Variants in UBE2E2 observed in about 807,000 individuals in gnomAD.
UBE2E2 encodes the protein ubiquitin-conjugating enzyme E2 E2.
In UBE2E2, 6 loss-of-function variants were observed where a neutral mutation model predicts 24.7. The observed-to-expected ratio is 0.24, with a 90% CI of 0.13 to 0.48. The LOEUF (loss-of-function observed/expected upper bound fraction) is 0.48, where lower values mean the gene tolerates loss of function less well. Ranked by LOEUF, UBE2E2 falls within the 20% of genes least tolerant of loss-of-function variation. UBE2E2 has a pLI of 0.99. For synonymous variants in UBE2E2, 104 were observed against 83.6 expected, an observed-to-expected ratio of 1.24 and a Z score of -1.33; for missense variants, 169 against 245.0, an observed-to-expected ratio of 0.69 and a Z score of 2.07.
chr3:23,312,245 A>G (rs1287260883), intron 3 of UBE2E2, among the ~76,000 whole-genome samples: 1 of 152,182 alleles, frequency 6.6e-6, no homozygotes, highest in Non-Finnish European at 1.5e-5. Flanking sequence ...TCTTTTCTTT[A>G]TAAATTACCC....
rs183382183 is a variant in UBE2E2 at position 23,285,859 on chromosome 3, C to T, written c.227+68547C>T. On this transcript the variant is annotated intron_variant, in intron 3 of 5. Transcript: ENST00000396703. ...TACAGGCACCCACCACCACATCTAG[C>T]TAATTTATGTTATTTTTTAGTCAAG... Among the ~76,000 whole-genome samples the T allele has an allele frequency of 1.7e-3, 258 of 152,178 alleles. 1 individual carries two copies. Among genetic ancestry groups the T allele is most frequent in the African/African-American group, 6.0e-3 (249 of 41,534 alleles).
chr3:23,563,791 T>C (rs1364435908), intron 5 of UBE2E2, among the ~76,000 whole-genome samples: 1 of 152,120 alleles, frequency 6.6e-6, no homozygotes, highest in Non-Finnish European at 1.5e-5. Context: ...TTTATTCTAT[T>C]AATATTATTT....
chr3:23,283,217 T>C (rs1698527822), intron 3 of UBE2E2, among the ~76,000 whole-genome samples: 1 of 152,144 alleles, frequency 6.6e-6, no homozygotes, highest in Non-Finnish European at 1.5e-5. Context: ...AAAAAACTTT[T>C]TTTTTTTCAT....
chr3:23,549,783 G>A (rs1033401648), intron 5 of UBE2E2, among the ~76,000 whole-genome samples: 8 of 151,982 alleles, frequency 5.3e-5, no homozygotes, highest in South Asian at 2.1e-4. Flanking sequence ...CTGTAATCCC[G>A]GCACTTTGGA....
intron 3 of UBE2E2, among the ~76,000 whole-genome samples, chr3:23,391,604 TA>T (rs1337414256): frequency 6.6e-6 from 1 of 152,210 alleles, no homozygotes; most frequent in Non-Finnish European, 1.5e-5. Flanking sequence ...ATAAATAAAT[TA>T]CATTCAGGTA....
chr3:23,358,357 G>T (rs2036044), intron 3 of UBE2E2, among the ~76,000 whole-genome samples: 2 of 152,102 alleles, frequency 1.3e-5, no homozygotes, highest in Non-Finnish European at 2.9e-5. Flanking sequence ...CACAGAACCA[G>T]TGGTGATGGT....
chr3:23,450,111 A>G (rs1263327647), intron 3 of UBE2E2, among the ~76,000 whole-genome samples: 7 of 152,244 alleles, frequency 4.6e-5, no homozygotes, highest in Admixed American at 3.9e-4. Context: ...AGAAAATGAG[A>G]TAAAAGCCTG....
intron 3 of UBE2E2, among the ~76,000 whole-genome samples, chr3:23,295,454 G>C (rs145011683): frequency 1.3e-5 from 2 of 152,132 alleles, no homozygotes; most frequent in African/African-American, 4.8e-5. Context: ...GTCCAGGTGG[G>C]TACACAATTA....
At chr3:23,249,227 G>A (rs891398093) in intron 3 of UBE2E2, among the ~76,000 whole-genome samples, 1 of 149,782 alleles carries the variant, frequency 6.7e-6, no homozygotes, top group Admixed American at 6.6e-5. Flanking sequence ...AGCCGAGATT[G>A]CACCACCACA....
chr3:23,535,718 G>A (rs1695246134), intron 5 of UBE2E2, among the ~76,000 whole-genome samples: 2 of 151,022 alleles, frequency 1.3e-5, no homozygotes. Flanking sequence ...CTCCTCCCGG[G>A]TTCAAGCGAT....
chr3:23,508,633 A>C (rs1022323120), intron 4 of UBE2E2, among the ~76,000 whole-genome samples: 1 of 152,138 alleles, frequency 6.6e-6, no homozygotes, highest in Non-Finnish European at 1.5e-5. Context: ...ATATCTACTG[A>C]CACACCCTTA....
chr3:23,405,524 GTA>G (rs1697335127), intron 3 of UBE2E2, among the ~76,000 whole-genome samples: 1 of 152,106 alleles, frequency 6.6e-6, no homozygotes, highest in Non-Finnish European at 1.5e-5. Flanking sequence ...CTTTTTTCAG[GTA>G]ATTTTTCCCC....
At chr3:23,272,941 G>A (rs1472533933) in intron 3 of UBE2E2, among the ~76,000 whole-genome samples, 2 of 152,082 alleles carry the variant, frequency 1.3e-5, no homozygotes, top group Non-Finnish European at 2.9e-5. Flanking sequence ...AGTCAGACAA[G>A]TCTTATGGCA....
upstream of UBE2E2, chr3:23,203,200 G>A (rs998625128): frequency 1.0e-6 from 1 of 986,422 alleles, no homozygotes; most frequent in African/African-American, 1.7e-5. Context: ...CGACAGCCGC[G>A]GGCAGCAGCC....
chr3:23,369,985 T>A, intron 3 of UBE2E2, among the ~76,000 whole-genome samples: 1 of 152,210 alleles, frequency 6.6e-6, no homozygotes, highest in East Asian at 1.9e-4. Context: ...TAGATACTAA[T>A]ATCCCCATGT....
chr3:23,355,643 G>T (rs917835715), intron 3 of UBE2E2, among the ~76,000 whole-genome samples: 1 of 152,124 alleles, frequency 6.6e-6, no homozygotes, highest in Admixed American at 6.5e-5. Flanking sequence ...TCATGCCCTG[G>T]ATTGTGGCTG....
chr3:23,525,742 G>T (rs1694980526), intron 4 of UBE2E2, among the ~76,000 whole-genome samples: 1 of 152,128 alleles, frequency 6.6e-6, no homozygotes, highest in African/African-American at 2.4e-5. Context: ...TTGCTTGTTT[G>T]TCAGGAACAT....
intron 3 of UBE2E2, among the ~76,000 whole-genome samples, chr3:23,250,961 G>A (rs1036055398): frequency 6.6e-6 from 1 of 152,158 alleles, no homozygotes; most frequent in Non-Finnish European, 1.5e-5. Flanking sequence ...GGGCTCAAGT[G>A]ATCCTCCTGC....
chr3:23,303,935 T>C (rs1374103466), intron 3 of UBE2E2, among the ~76,000 whole-genome samples: 1 of 152,220 alleles, frequency 6.6e-6, no homozygotes, highest in African/African-American at 2.4e-5. Flanking sequence ...ATTCTTAGTC[T>C]TACCTGAATT....
Sources: allele counts gnomAD v4.1 joint callset (sites outside exome capture counted in the v4.1 genomes callset), GRCh38; gene constraint gnomAD v4.1.1; transcripts MANE v1.5; gene names NCBI Gene and HGNC (gene_info 2026-07-23, HGNC 2026-07-21).